Variants in POFUT3 observed in about 807,000 individuals in gnomAD.
The protein encoded by POFUT3 is protein O-fucosyltransferase 3, also known as GDP-fucose protein O-fucosyltransferase 3.
At chr8:33,350,482 T>C in the POFUT3 span, among the ~76,000 whole-genome samples, 1 of 152,092 alleles carries the variant, frequency 6.6e-6, no homozygotes, top group African/African-American at 2.4e-5. Context: ...TTGTGGTGAG[T>C]TAGACCCTGC....
At chr8:33,447,685 AAGG>A in the POFUT3 span, among the ~76,000 whole-genome samples, 89,152 of 151,620 alleles carry the variant, frequency 0.59, 26,453 homozygotes, top group African/African-American at 0.63. Flanking sequence ...AAGGAAAAAC[AAGG>A]AGGTTACAAA....
At chr8:33,377,216 T>G in the POFUT3 span, among the ~76,000 whole-genome samples, 1 of 149,260 alleles carries the variant, frequency 6.7e-6, no homozygotes, top group African/African-American at 2.5e-5. Context: ...CAGGCAACAG[T>G]GCAAGACTCT....
chr8:33,436,742 TGCAGCACGGAC>T, the POFUT3 span: 1 of 637,406 alleles, frequency 1.6e-6, no homozygotes, highest in African/African-American at 1.8e-5. Context: ...GCCTCCTCCT[TGCAGCACGGAC>T]GCTTCTGACA....
At chr8:33,458,500 A>C in the POFUT3 span, among the ~76,000 whole-genome samples, 1 of 152,130 alleles carries the variant, frequency 6.6e-6, no homozygotes, top group Non-Finnish European at 1.5e-5. Context: ...GAATCACTTG[A>C]GGTCAGGAGT....
the POFUT3 span, among the ~76,000 whole-genome samples, chr8:33,353,164 G>A: frequency 1.3e-5 from 2 of 152,176 alleles, no homozygotes; most frequent in Non-Finnish European, 2.9e-5. Flanking sequence ...CATGAATGGT[G>A]CAATACTTGA....
chr8:33,461,914 C>T, the POFUT3 span, among the ~76,000 whole-genome samples: 1 of 151,578 alleles, frequency 6.6e-6, no homozygotes, highest in Non-Finnish European at 1.5e-5. Flanking sequence ...AATCCCAGCA[C>T]TTTGTGAGGC....
At chr8:33,461,314 G>GT in the POFUT3 span, 1 of 1,534,822 alleles carries the variant, frequency 6.5e-7, no homozygotes, top group South Asian at 1.2e-5. Flanking sequence ...AAAATAGGGG[G>GT]TAGGGGGACA....
chr8:33,327,024 T>A, the POFUT3 span, among the ~76,000 whole-genome samples: 1 of 152,302 alleles, frequency 6.6e-6, no homozygotes, highest in Admixed American at 6.5e-5. Context: ...GCCATTCTCC[T>A]GTCTCTGCGT....
the POFUT3 span, among the ~76,000 whole-genome samples, chr8:33,324,045 A>G: frequency 6.6e-6 from 1 of 152,196 alleles, no homozygotes; most frequent in Non-Finnish European, 1.5e-5. Flanking sequence ...CTATACAGGC[A>G]TTCAAAGTGG....
At chr8:33,471,390 C>T in the POFUT3 span, among the ~76,000 whole-genome samples, 1 of 151,996 alleles carries the variant, frequency 6.6e-6, no homozygotes, top group African/African-American at 2.4e-5. Context: ...TGGAACTACA[C>T]GCACACGCCA....
the POFUT3 span, among the ~76,000 whole-genome samples, chr8:33,313,213 C>A: frequency 1.3e-5 from 2 of 152,030 alleles, no homozygotes; most frequent in African/African-American, 2.4e-5. Context: ...AGTGGGAGTA[C>A]AATTTTTGAG....
At chr8:33,406,127 C>T in the POFUT3 span, among the ~76,000 whole-genome samples, 1 of 151,732 alleles carries the variant, frequency 6.6e-6, no homozygotes, top group Non-Finnish European at 1.5e-5. Context: ...CAGAAGTAGC[C>T]TTAAAAAACT....
the POFUT3 span, among the ~76,000 whole-genome samples, chr8:33,387,816 G>C: frequency 6.6e-3 from 1,009 of 152,102 alleles, 17 homozygotes; most frequent in Non-Finnish European, 0.01. Flanking sequence ...AAAAAAAGAA[G>C]AACAAGAAAA....
At chr8:33,338,364 A>G in the POFUT3 span, among the ~76,000 whole-genome samples, 2 of 151,994 alleles carry the variant, frequency 1.3e-5, no homozygotes, top group Non-Finnish European at 2.9e-5. Flanking sequence ...TCTAAAATGT[A>G]AAAGAGGGAG....
the POFUT3 span, among the ~76,000 whole-genome samples, chr8:33,423,554 G>A: frequency 5.3e-5 from 8 of 152,126 alleles, no homozygotes; most frequent in African/African-American, 1.7e-4. Flanking sequence ...ACAGGTGTGA[G>A]CCACCATTTC....
the POFUT3 span, among the ~76,000 whole-genome samples, chr8:33,429,701 GA>G: frequency 7.8e-3 from 1,141 of 146,476 alleles, 6 homozygotes; most frequent in Non-Finnish European, 0.012. Flanking sequence ...TAACTAAAAT[GA>G]AAAAAAAAAT....
At chr8:33,389,203 T>C in the POFUT3 span, 4 of 1,614,110 alleles carry the variant, frequency 2.5e-6, no homozygotes, top group Non-Finnish European at 3.4e-6. Context: ...AAAATTCTGA[T>C]ACAAGAATAG....
chr8:33,387,676 T>C, the POFUT3 span, among the ~76,000 whole-genome samples: 104 of 152,272 alleles, frequency 6.8e-4, 2 homozygotes, highest in African/African-American at 2.4e-3. Flanking sequence ...TGGTGACTTA[T>C]GCCTGTAGTC....
At chr8:33,414,524 A>G in the POFUT3 span, among the ~76,000 whole-genome samples, 1 of 152,132 alleles carries the variant, frequency 6.6e-6, no homozygotes. Flanking sequence ...AGACACACTC[A>G]TATCTTGGAA....
Sources: allele counts gnomAD v4.1 joint callset (sites outside exome capture counted in the v4.1 genomes callset), GRCh38; gene constraint gnomAD v4.1.1; transcripts MANE v1.5; gene names NCBI Gene and HGNC (gene_info 2026-07-23, HGNC 2026-07-21).